The following RAD54L2 variants were observed in gnomAD, a reference collection of about 807,000 sequenced individuals.
RAD54L2 encodes RAD54 like 2, also known as helicase ARIP4.
In RAD54L2, 27 loss-of-function variants were observed where a neutral mutation model predicts 138.4. That is an observed-to-expected ratio of 0.20 (90% CI 0.14 to 0.27). RAD54L2 has a LOEUF of 0.27. Among genes scored for constraint, RAD54L2 ranks in the 10% least tolerant of loss-of-function variants. RAD54L2 has a pLI of 1.00. For missense variants in RAD54L2, 1,396 were observed against 1,890.2 expected (o/e 0.74, Z 4.85); for synonymous variants, 644 against 723.2 (o/e 0.89, Z 1.76).
intron 5 of RAD54L2, among the ~76,000 whole-genome samples, chr3:51,629,798 G>A (rs1049775902): frequency 6.6e-6 from 1 of 152,146 alleles, no homozygotes. Flanking sequence ...GGGAGGTGGA[G>A]GTTGCAGGGA....
chr3:51,638,430 G>A lies in RAD54L2; in HGVS notation c.1860+109G>A. ...AATAAAGGGAGAATAAAGTGAGAGG[G>A]GGCCACCTCAGTTCACTGCACTGGA... On this transcript the variant is annotated intron_variant, in intron 12 of 22. Coordinates refer to ENST00000684192, the MANE Select transcript of RAD54L2 (RefSeq NM_015106.4). The surrounding 1 kb of genome is among the most constrained non-coding windows in gnomAD (Gnocchi z 4.3). 7.4e-7 allele frequency: 1 copy of A among 1,345,642 alleles called. No homozygotes were observed. Among genetic ancestry groups the A allele is most frequent in the South Asian group, 1.4e-5 (1 of 72,928 alleles). 83.4% of individuals were successfully genotyped at this position (1,345,642 alleles called of 1,614,324 possible).
chr3:51,629,999 G>A (rs945803288), intron 5 of RAD54L2, among the ~76,000 whole-genome samples: 11 of 152,260 alleles, frequency 7.2e-5, no homozygotes, highest in Middle Eastern at 6.8e-3. Flanking sequence ...CTTTAAATAG[G>A]TTTTATCTAG....
At chr3:51,646,604 CT>C in intron 19 of RAD54L2, 123 bp downstream of exon 19, 2 of 1,057,220 alleles carry the variant, frequency 1.9e-6, no homozygotes, top group Non-Finnish European at 1.3e-6. Context: ...TTGACAGGCT[CT>C]GCTCTAGGGT....
At chr3:51,586,689 GT>G (rs1213592011) in intron 2 of RAD54L2, among the ~76,000 whole-genome samples, 1 of 150,974 alleles carries the variant, frequency 6.6e-6, no homozygotes, top group Admixed American at 6.6e-5. Flanking sequence ...CTGCTTCAGC[GT>G]CCCGAGTAGC....
At position 51,662,527 on chromosome 3, in the gene RAD54L2, G is replaced by A. The variant is rs780302815; in HGVS notation, c.3511G>A (p.Asp1171Asn). ...GGGGCTGGCCAGGCCCGTCTCTCCT[G>A]ACAGCCCAGAGATCATCAGTGAGCT... is the stretch of plus-strand genomic sequence containing the variant. ...PEGLARPVSPDSPEIISELQQ... is the reference protein window; with the variant it reads ...PEGLARPVSPNSPEIISELQQ... The change falls in exon 23 of 23, where the codon GAC becomes AAC. Residue 1171 changes from aspartate to asparagine, a missense_variant. Physicochemically the swap from Asp to Asn is conservative, Grantham distance 23. Transcript: ENST00000684192. The surrounding 1 kb of genome is among the most constrained non-coding windows in gnomAD (Gnocchi z 4.6). 6.2e-7 allele frequency: 1 copy of A among 1,613,498 alleles called. No individual in the cohort carries two copies. The highest frequency in any genetic ancestry group is 1.1e-5 in the South Asian group (1 of 90,980).
intron 2 of RAD54L2, among the ~76,000 whole-genome samples, chr3:51,586,427 C>G (rs1448171285): frequency 6.7e-6 from 1 of 149,692 alleles, no homozygotes; most frequent in Non-Finnish European, 1.5e-5. Context: ...TCTTTGTTGC[C>G]TTTGTTTTTT....
chr3:51,645,788 C>G lies in RAD54L2; in HGVS notation c.2829+25C>G. 6.3e-7 allele frequency: 1 copy of G among 1,582,888 alleles called. No individual in the cohort carries two copies. On this transcript the variant is annotated intron_variant, in intron 18 of 22. Transcript: ENST00000684192. This position sits in a 1 kb window ranked among gnomAD's most constrained non-coding sequence, Gnocchi z 6.1. The stretch of plus-strand genomic sequence containing the variant: ...GGTAAGAACTTGGTATGCATGCAAT[C>G]CCCAGAGTGGCAGTCTCTCTGTCAA...
Position 51,662,529 on chromosome 3 carries a change from C to T in RAD54L2, c.3513C>T (p.Asp1171=). Residue 1171 remains aspartate (D), a synonymous_variant, in exon 23 of 23, where the codon GAC becomes GAT. Coordinates refer to ENST00000684192, the MANE Select transcript of RAD54L2 (RefSeq NM_015106.4). This position sits in a 1 kb window ranked among gnomAD's most constrained non-coding sequence, Gnocchi z 4.6. ...PEGLARPVSP[D]SPEIISELQQ... is the part of the protein sequence containing the mutation. ...GGCTGGCCAGGCCCGTCTCTCCTGA[C>T]AGCCCAGAGATCATCAGTGAGCTTC... 6.2e-7 allele frequency: 1 copy of T among 1,613,482 alleles called. No homozygotes were observed. The highest frequency in any genetic ancestry group is 8.5e-7 in the Non-Finnish European group (1 of 1,179,624).
chr3:51,592,470 C>G (rs1448149800), intron 3 of RAD54L2, among the ~76,000 whole-genome samples: 1 of 152,068 alleles, frequency 6.6e-6, no homozygotes, highest in Non-Finnish European at 1.5e-5. Flanking sequence ...GCTAGGTTAA[C>G]TGACTTCTTG....
intron 3 of RAD54L2, among the ~76,000 whole-genome samples, chr3:51,607,756 T>C (rs1445367621): frequency 6.3e-5 from 7 of 111,490 alleles, no homozygotes; most frequent in African/African-American, 7.0e-5. Context: ...CCAGACGGGG[T>C]GGCCGGGCAG....
intron 2 of RAD54L2, among the ~76,000 whole-genome samples, chr3:51,552,485 A>G (rs1051349973): frequency 2.0e-5 from 3 of 148,838 alleles, no homozygotes; most frequent in Non-Finnish European, 4.4e-5. Flanking sequence ...GATGTTCTCC[A>G]TCTCCTGACC....
chr3:51,651,402 T>C (rs777354418), intron 19 of RAD54L2, among the ~76,000 whole-genome samples: 16 of 152,152 alleles, frequency 1.1e-4, no homozygotes, highest in Middle Eastern at 3.4e-3. Context: ...TGCCAATCAA[T>C]AGAAAAAGAG....
At chr3:51,603,496 A>G (rs1185017951) in intron 3 of RAD54L2, among the ~76,000 whole-genome samples, 2 of 152,004 alleles carry the variant, frequency 1.3e-5, no homozygotes, top group Admixed American at 6.6e-5. Flanking sequence ...AATCCTAGCT[A>G]CTTGGGAGAC....
intron 2 of RAD54L2, among the ~76,000 whole-genome samples, chr3:51,576,543 G>C (rs185604464): frequency 0.019 from 2,858 of 152,076 alleles, 101 homozygotes; most frequent in African/African-American, 0.066. Flanking sequence ...TTGGTCTATT[G>C]AGGGATTCAA....
intron 2 of RAD54L2, among the ~76,000 whole-genome samples, chr3:51,569,973 C>T (rs572885319): frequency 3.0e-4 from 45 of 151,704 alleles, no homozygotes; most frequent in East Asian, 1.4e-3. Flanking sequence ...GCTGGGTCTA[C>T]GGACGTGCAC....
intron 2 of RAD54L2, among the ~76,000 whole-genome samples, chr3:51,588,185 CAAAAAAAAA>C (rs987919898): frequency 7.9e-5 from 1 of 12,714 alleles, no homozygotes; most frequent in Admixed American, 8.1e-4. Context: ...GACTCCATCT[CAAAAAAAAA>C]AAAAAAAAAA....
At position 51,629,319 on chromosome 3, in the gene RAD54L2, T is replaced by C. The variant is rs748560398; in HGVS notation, c.342-15T>C. 3.2e-6 allele frequency: 5 copies of C among 1,575,486 alleles called. No individual in the cohort carries two copies. Among genetic ancestry groups the C allele is most frequent in the Admixed American group, 3.7e-5 (2 of 53,340 alleles). On this transcript the variant is annotated splice_polypyrimidine_tract_variant and intron_variant, in intron 4 of 22. Transcript: ENST00000684192. ...TTAATTGAACCCAAGTGCTGTCTCT[T>C]ATGTGAATGTTTAGAAAGCTACTCC... is the stretch of plus-strand genomic sequence containing the variant.
intron 13 of RAD54L2, 32 bp from the exon 14 acceptor site, chr3:51,639,849 C>G: frequency 6.5e-7 from 1 of 1,531,566 alleles, no homozygotes; most frequent in Non-Finnish European, 8.9e-7. Context: ...GGCCTTGGAC[C>G]TGCTCTAAGC....
At chr3:51,635,210 G>A (rs752138085) in intron 9 of RAD54L2, among the ~76,000 whole-genome samples, 14 of 152,184 alleles carry the variant, frequency 9.2e-5, no homozygotes, top group Non-Finnish European at 1.6e-4. Flanking sequence ...ACTGCAGAAT[G>A]TTGCCCTTCC....
Sources: allele counts gnomAD v4.1 joint callset (sites outside exome capture counted in the v4.1 genomes callset), GRCh38; gene constraint gnomAD v4.1.1; non-coding constraint Gnocchi (gnomAD v3.1); transcripts MANE v1.5; gene names NCBI Gene and HGNC (gene_info 2026-07-23, HGNC 2026-07-21).